The following ZBTB7C variants were observed in gnomAD, a reference collection of about 807,000 sequenced individuals.
ZBTB7C encodes the protein zinc finger and BTB domain-containing protein 7C.
A neutral mutation model predicts 25.7 loss-of-function variants in ZBTB7C; 8 were observed. That is an observed-to-expected ratio of 0.31 (90% confidence interval 0.18 to 0.56). The LOEUF (loss-of-function observed/expected upper bound fraction) is 0.56, where lower values mean the gene tolerates loss of function less well. Among genes scored for constraint, ZBTB7C ranks in the 20% least tolerant of loss-of-function variants. ZBTB7C has a pLI of 0.91. For missense variants in ZBTB7C, 824 were observed against 855.2 expected, an observed-to-expected ratio of 0.96 and a Z score of 0.46; for synonymous variants, 394 against 369.0, an observed-to-expected ratio of 1.07 and a Z score of -0.78.
chr18:48,190,759 C>T (rs543291990), intron 2 of ZBTB7C, among the ~76,000 whole-genome samples: 3 of 152,294 alleles, frequency 2.0e-5, no homozygotes, highest in South Asian at 4.1e-4. Context: ...AGTGCAGAGC[C>T]CACTGCAGAC....
chr18:48,301,043 G>C (rs1201204541), intron 2 of ZBTB7C, among the ~76,000 whole-genome samples: 1 of 152,228 alleles, frequency 6.6e-6, no homozygotes, highest in African/African-American at 2.4e-5. Flanking sequence ...TTGTGAGTGA[G>C]GAATGCCATT....
intron 3 of ZBTB7C, among the ~76,000 whole-genome samples, chr18:48,043,501 A>T (rs76838503): frequency 1.8e-3 from 273 of 152,340 alleles, no homozygotes; most frequent in African/African-American, 6.2e-3. Context: ...TAGATATTGC[A>T]TGATTCCATT....
In ZBTB7C at chr18:48,029,783, C is replaced by T. The variant is rs1303705722; in HGVS notation, c.1337G>A (p.Arg446Gln). The T allele has an allele frequency of 6.2e-7, 1 of 1,608,674 alleles. No individual in the cohort carries two copies. The highest frequency in any genetic ancestry group is 1.3e-5 in the African/African-American group (1 of 75,066). The change falls in exon 5 of 5, where the codon CGG becomes CAG. Residue 446 changes from arginine to glutamine, a missense_variant. Physicochemically the swap from Arg to Gln is conservative, Grantham distance 43. This residue lies in a region of ZBTB7C where 342 missense variants were observed against 307.0 expected (regional missense o/e 1.11). Coordinates refer to ENST00000590800, the MANE Select transcript of ZBTB7C (RefSeq NM_001318841.2). ...KNHMRIHTGV[R>Q]PYQCEFCYKS... Reference sequence around the variant, plus strand: ...GTAGCAGAACTCGCACTGGTAGGGCCGCACGCCCGTGTGGATGCGCATGTG... The same window carrying T: ...GTAGCAGAACTCGCACTGGTAGGGCTGCACGCCCGTGTGGATGCGCATGTG...
chr18:48,213,905 G>T (rs1421896511), intron 2 of ZBTB7C, among the ~76,000 whole-genome samples: 1 of 152,180 alleles, frequency 6.6e-6, no homozygotes, highest in Non-Finnish European at 1.5e-5. Flanking sequence ...GGGCTGGGAT[G>T]AAAAATGGCC....
chr18:48,406,981 C>T (rs570408613), intron 1 of ZBTB7C, among the ~76,000 whole-genome samples: 1 of 152,204 alleles, frequency 6.6e-6, no homozygotes, highest in African/African-American at 2.4e-5. Flanking sequence ...AAGTGGCCAA[C>T]TCGTAGTTCT....
chr18:48,162,342 A>C (rs1257730980), intron 3 of ZBTB7C: 2 of 456,242 alleles, frequency 4.4e-6, no homozygotes, highest in African/African-American at 4.0e-5. Flanking sequence ...AGCCCAGCTC[A>C]CCTACCTGCT....
At chr18:48,108,068 G>C (rs73956490) in intron 3 of ZBTB7C, among the ~76,000 whole-genome samples, 1 of 152,208 alleles carries the variant, frequency 6.6e-6, no homozygotes, top group African/African-American at 2.4e-5. Flanking sequence ...TTCACATGGC[G>C]TCTGAGGCTG....
At chr18:48,236,058 G>C (rs1350827641) in intron 2 of ZBTB7C, among the ~76,000 whole-genome samples, 2 of 152,104 alleles carry the variant, frequency 1.3e-5, no homozygotes, top group East Asian at 3.9e-4. Context: ...AATTAGACAT[G>C]TGTTAGACCT....
chr18:48,035,724 CA>C (rs2035943450), intron 4 of ZBTB7C, among the ~76,000 whole-genome samples: 1 of 152,256 alleles, frequency 6.6e-6, no homozygotes, highest in Non-Finnish European at 1.5e-5. Flanking sequence ...CCTGAGATCA[CA>C]TGCTCCCTGT....
Position 48,210,467 on chromosome 18 carries a change from C to T in ZBTB7C, c.-78-24472G>A, listed in dbSNP as rs2042677189. Among the ~76,000 whole-genome samples, 3 of 152,170 alleles carry T rather than the reference C, an allele frequency of 2.0e-5. No homozygotes were observed. The South Asian group carries it at 6.2e-4, about 32-fold the overall frequency. The stretch of plus-strand genomic sequence containing the variant: ...AAGGCAGTATATCCACACAGTGAAA[C>T]AGAATCCAGCCTTAAAAAGGAATGA... On this transcript the variant is annotated intron_variant, in intron 2 of 4. Coordinates refer to ENST00000590800, the MANE Select transcript of ZBTB7C (RefSeq NM_001318841.2).
chr18:48,393,493 T>C (rs1379969740), intron 1 of ZBTB7C, among the ~76,000 whole-genome samples: 1 of 152,112 alleles, frequency 6.6e-6, no homozygotes, highest in East Asian at 1.9e-4. Context: ...GTGAATTCTA[T>C]GGCATGTAAA....
At chr18:48,314,245 T>C (rs1330401526) in intron 2 of ZBTB7C, among the ~76,000 whole-genome samples, 2 of 152,180 alleles carry the variant, frequency 1.3e-5, no homozygotes, top group African/African-American at 2.4e-5. Flanking sequence ...TATAAGTGCG[T>C]TCTGTGCAAT....
chr18:48,116,231 C>A (rs948801810), intron 3 of ZBTB7C, among the ~76,000 whole-genome samples: 2 of 152,114 alleles, frequency 1.3e-5, no homozygotes, highest in African/African-American at 4.8e-5. Flanking sequence ...GCCCAGACGC[C>A]CTGTGCATGT....
chr18:48,216,148 G>C (rs1296220444), intron 2 of ZBTB7C, among the ~76,000 whole-genome samples: 1 of 152,184 alleles, frequency 6.6e-6, no homozygotes, highest in African/African-American at 2.4e-5. Flanking sequence ...AGTCAGTGGG[G>C]GACTTAGAAT....
intron 2 of ZBTB7C, among the ~76,000 whole-genome samples, chr18:48,290,669 G>A (rs565846920): frequency 2.6e-5 from 4 of 152,170 alleles, no homozygotes; most frequent in African/African-American, 7.2e-5. Context: ...GCTCTGTGCC[G>A]CAGGCGCCCG....
intron 1 of ZBTB7C, among the ~76,000 whole-genome samples, chr18:48,389,463 T>A: frequency 1.4e-5 from 1 of 71,736 alleles, no homozygotes; most frequent in Non-Finnish European, 2.8e-5. Flanking sequence ...ACTCTTGGAT[T>A]TTTTTTTTTT....
chr18:48,149,079 CAGG>C (rs985725908), intron 3 of ZBTB7C: 1 of 152,278 alleles, frequency 6.6e-6, no homozygotes, highest in Non-Finnish European at 1.5e-5. Context: ...CTTATTTAAC[CAGG>C]AGGAGGAAGG....
chr18:48,050,257 G>A (rs1346841369), intron 3 of ZBTB7C, among the ~76,000 whole-genome samples: 1 of 152,156 alleles, frequency 6.6e-6, no homozygotes, highest in African/African-American at 2.4e-5. Flanking sequence ...CCAGCCCTTG[G>A]CAGTTTCCCC....
intron 3 of ZBTB7C, among the ~76,000 whole-genome samples, chr18:48,160,093 ACAGTCTCCTCCCG>A (rs796635572): frequency 6.6e-5 from 10 of 152,350 alleles, no homozygotes; most frequent in African/African-American, 2.4e-4. Context: ...CTCCAGACCC[ACAGTCTCCTCCCG>A]CACAATGACT....
Sources: allele counts gnomAD v4.1 joint callset (sites outside exome capture counted in the v4.1 genomes callset), GRCh38; gene constraint gnomAD v4.1.1; regional missense constraint gnomAD v4.1.1; transcripts MANE v1.5; gene names NCBI Gene and HGNC (gene_info 2026-07-23, HGNC 2026-07-21).